AGAP1: variants seen among roughly 807,000 people sequenced by gnomAD.
AGAP1 encodes the protein arf-GAP with GTPase, ANK repeat and PH domain-containing protein 1.
In AGAP1, 29 loss-of-function variants were observed where a neutral mutation model predicts 105.3. The observed-to-expected ratio is 0.28, with a 90% CI of 0.21 to 0.38. AGAP1 has a LOEUF of 0.38. AGAP1 is among the 10% of genes least tolerant of loss of function. The pLI is 1.00. For missense variants in AGAP1, 998 were observed against 1,165.1 expected (o/e 0.86, Z 2.09); for synonymous variants, 509 against 485.9 (o/e 1.05, Z -0.63).
At chr2:236,069,126 TA>T (rs1056836570) in intron 16 of AGAP1, among the ~76,000 whole-genome samples, 263 of 137,770 alleles carry the variant, frequency 1.9e-3, no homozygotes, top group Middle Eastern at 3.8e-3. Flanking sequence ...GACTCCATCT[TA>T]AAAAAAAAAA....
intron 1 of AGAP1, among the ~76,000 whole-genome samples, chr2:235,645,711 G>T (rs1215243006): frequency 6.6e-6 from 1 of 152,170 alleles, no homozygotes; most frequent in Non-Finnish European, 1.5e-5. Flanking sequence ...GGGAGACAAG[G>T]TCGGCCTGAG....
intron 1 of AGAP1, among the ~76,000 whole-genome samples, chr2:235,661,533 G>GT (rs561572253): frequency 7.8e-4 from 112 of 142,962 alleles, no homozygotes; most frequent in East Asian, 3.6e-3. Context: ...GGCTGTGGGG[G>GT]TGGGGGGGCT....
At chr2:235,646,270 C>CAG (rs5839604) in intron 1 of AGAP1, among the ~76,000 whole-genome samples, 2 of 112,992 alleles carry the variant, frequency 1.8e-5, no homozygotes, top group Admixed American at 9.7e-5. Context: ...ACTCTGTCTC[C>CAG]AAAAAAAAAA....
chr2:235,839,072 A>G lies in AGAP1; in HGVS notation c.1050+31741A>G, dbSNP rs376104825. On this transcript the variant is annotated intron_variant, in intron 9 of 17. Transcript: ENST00000304032. ...GAACATCAACTCTGTCGGATATTTC[A>G]TGTGACCGAGGTCTGAGCATCAGAA... 1.1e-4 allele frequency among the ~76,000 whole-genome samples: 16 copies of G among 152,340 alleles called. No homozygotes were observed. In the East Asian group the frequency reaches 2.9e-3, roughly 28 times the overall value.
intron 10 of AGAP1, among the ~76,000 whole-genome samples, chr2:235,886,144 A>T (rs947628039): frequency 3.9e-5 from 6 of 152,204 alleles, no homozygotes; most frequent in African/African-American, 1.4e-4. Context: ...CTCCATCAGC[A>T]GTGGCCGGGC....
At chr2:235,975,463 T>C (rs116033152) in intron 13 of AGAP1, among the ~76,000 whole-genome samples, 4,251 of 152,284 alleles carry the variant, frequency 0.028, 109 homozygotes, top group South Asian at 0.11. Flanking sequence ...TTTGGGGATT[T>C]TGCATGCCGT....
chr2:236,043,745 G>GGTGGC (rs2057631744), intron 15 of AGAP1, among the ~76,000 whole-genome samples: 1 of 149,078 alleles, frequency 6.7e-6, no homozygotes, highest in African/African-American at 2.5e-5. Flanking sequence ...AAGTGGGGGG[G>GGTGGC]GTGCTTAATT....
At position 235,801,176 on chromosome 2, in the gene AGAP1, G is replaced by A. The variant is rs1371726953; in HGVS notation, c.957+1654G>A. 1.3e-5 allele frequency among the ~76,000 whole-genome samples: 2 copies of A among 152,162 alleles called. No individual in the cohort carries two copies. Among genetic ancestry groups the A allele is most frequent in the Admixed American group, 6.5e-5 (1 of 15,276 alleles). On this transcript the variant is annotated intron_variant, in intron 8 of 17. Coordinates refer to ENST00000304032, the MANE Select transcript of AGAP1 (RefSeq NM_001037131.3). The surrounding 1 kb of genome is among the most constrained non-coding windows in gnomAD (Gnocchi z 6.0). ...ACAGAGGCCACTGCTGGGCAGCAGGGTGAGGACTGATCAGACAGACCAAGC... is the reference window on the plus strand; with the variant it reads ...ACAGAGGCCACTGCTGGGCAGCAGGATGAGGACTGATCAGACAGACCAAGC...
chr2:235,950,256 G>A (rs969115104), intron 12 of AGAP1, among the ~76,000 whole-genome samples: 1 of 152,184 alleles, frequency 6.6e-6, no homozygotes, highest in African/African-American at 2.4e-5. Context: ...CTCTCCCAGT[G>A]GTGACTCCGG....
rs1286137540 is a variant in AGAP1 at position 236,009,276 on chromosome 2, T to G, written c.1646-27285T>G. On this transcript the variant is annotated intron_variant, in intron 13 of 17. Transcript: ENST00000304032. This position sits in a 1 kb window ranked among gnomAD's most constrained non-coding sequence, Gnocchi z 4.2. ...GCCAGCACAAAAGAAATCCCCAATC[T>G]CTAACCTCACAATGAAATCGCCACG... is the stretch of plus-strand genomic sequence containing the variant. Among the ~76,000 whole-genome samples the G allele has an allele frequency of 6.6e-6, 1 of 152,066 alleles. No homozygotes were observed. The highest frequency in any genetic ancestry group is 1.5e-5 in the Non-Finnish European group (1 of 68,016).
At position 235,821,488 on chromosome 2, in the gene AGAP1, A is replaced by G. The variant is rs1021396294; in HGVS notation, c.1050+14157A>G. 2.0e-5 allele frequency among the ~76,000 whole-genome samples: 3 copies of G among 150,180 alleles called. No homozygotes were observed. In the Admixed American group the frequency reaches 2.0e-4, roughly 10 times the overall value. On this transcript the variant is annotated intron_variant, in intron 9 of 17. Transcript: ENST00000304032. ...AAGCTCTGCCTCCCGGGTTCACACC[A>G]TTCTCCTGCCTCAGCCTCCCGAGTA...
In AGAP1 at chr2:235,971,741, T is replaced by TTTTATTTATTTATTTATTTA. The variant is rs199729717; in HGVS notation, c.1645+3145_1645+3164dup. ...ACTAAAGCTAGTTATATATGTTTTA[T>TTTTATTTATTTATTTATTTA]TTTATTTATTTATTTATTTATTTAT... is the stretch of plus-strand genomic sequence containing the variant. On this transcript the variant is annotated intron_variant, in intron 13 of 17. Transcript: ENST00000304032. This position sits in a 1 kb window ranked among gnomAD's most constrained non-coding sequence, Gnocchi z 4.8. 6.9e-5 allele frequency among the ~76,000 whole-genome samples: 10 copies of TTTTATTTATTTATTTATTTA among 145,678 alleles called. No individual in the cohort carries two copies. The highest frequency in any genetic ancestry group is 2.6e-4 in the African/African-American group (10 of 38,834).
Position 235,872,550 on chromosome 2 carries a change from G to A in AGAP1, c.1051-10795G>A, listed in dbSNP as rs1038526320. Reference sequence around the variant, plus strand: ...CTGAGCATCTCAGGCAGAGCCTTCCGGCCTCTGTCATCTTCTGGCCAGTAG... The same window carrying A: ...CTGAGCATCTCAGGCAGAGCCTTCCAGCCTCTGTCATCTTCTGGCCAGTAG... On this transcript the variant is annotated intron_variant, in intron 9 of 17. Transcript: ENST00000304032. This position sits in a 1 kb window ranked among gnomAD's most constrained non-coding sequence, Gnocchi z 4.5. Among the ~76,000 whole-genome samples the A allele has an allele frequency of 3.3e-5, 5 of 152,136 alleles. No homozygotes were observed. Among genetic ancestry groups the A allele is most frequent in the African/African-American group, 7.2e-5 (3 of 41,422 alleles).
chr2:235,616,687 C>T (rs1239085445), intron 1 of AGAP1, among the ~76,000 whole-genome samples: 1 of 152,202 alleles, frequency 6.6e-6, no homozygotes, highest in Non-Finnish European at 1.5e-5. Context: ...TTTCATTCTG[C>T]CCAGTTGTGT....
intron 9 of AGAP1, among the ~76,000 whole-genome samples, chr2:235,831,287 C>T (rs1959360758): frequency 1.3e-5 from 2 of 152,110 alleles, no homozygotes; most frequent in African/African-American, 4.8e-5. Context: ...TTGTCCCCCA[C>T]AGTCTGTTGC....
rs188650244 is a variant in AGAP1 at position 235,756,717 on chromosome 2, C to T, written c.673+6229C>T. On this transcript the variant is annotated intron_variant, in intron 6 of 17. Transcript: ENST00000304032. ...TTACTCCCCGAGCTCCGCCTCCTGT[C>T]GGATCAGCAGCAGCCTTAGATTCTC... Among the ~76,000 whole-genome samples, 742 of 152,298 alleles carry T rather than the reference C, an allele frequency of 4.9e-3. 4 individuals are homozygous for T. Among genetic ancestry groups the T allele is most frequent in the African/African-American group, 0.017 (697 of 41,558 alleles).
chr2:235,834,238 G>A (rs1959839687), intron 9 of AGAP1, among the ~76,000 whole-genome samples: 1 of 152,212 alleles, frequency 6.6e-6, no homozygotes, highest in Non-Finnish European at 1.5e-5. Context: ...GTACACAGAG[G>A]TGTGCTGGCC....
chr2:235,885,868 T>C (rs1226957497), intron 10 of AGAP1, among the ~76,000 whole-genome samples: 5 of 152,232 alleles, frequency 3.3e-5, no homozygotes, highest in African/African-American at 9.6e-5. Flanking sequence ...CTTACATAGA[T>C]ATTCTTTATT....
At chr2:235,561,245 T>C (rs1281817378) in intron 1 of AGAP1, among the ~76,000 whole-genome samples, 1 of 152,192 alleles carries the variant, frequency 6.6e-6, no homozygotes, top group Non-Finnish European at 1.5e-5. Context: ...TCCAATGTTA[T>C]TTCCTTAGGG....
Sources: gnomAD v4.1 joint callset for allele counts (sites outside exome capture counted in the v4.1 genomes callset) on GRCh38, gnomAD v4.1.1 for gene constraint, Gnocchi (gnomAD v3.1) non-coding constraint, MANE v1.5 for transcripts, NCBI Gene and HGNC (gene_info 2026-07-23, HGNC 2026-07-21) for gene names.